TENM2: variants seen among roughly 807,000 people sequenced by gnomAD.
TENM2 encodes the protein teneurin transmembrane protein 2, also known as teneurin-2.
TENM2 carries 52 observed loss-of-function variants against 245.2 expected under a neutral mutation model. The ratio of observed to expected loss-of-function variants is 0.21; its 90% CI spans 0.17 to 0.27. The LOEUF is 0.27. Among genes scored for constraint, TENM2 ranks in the 10% least tolerant of loss-of-function variants. The pLI is 1.00. For synonymous variants in TENM2, 1,363 were observed against 1,438.9 expected, an observed-to-expected ratio of 0.95 and a Z score of 1.19; for missense variants, 3,046 against 3,666.8, an observed-to-expected ratio of 0.83 and a Z score of 4.37.
At chr5:168,015,789 C>T (rs139215431) in intron 5 of TENM2, among the ~76,000 whole-genome samples, 1 of 152,168 alleles carries the variant, frequency 6.6e-6, no homozygotes, top group Admixed American at 6.5e-5. Context: ...TCCTTCAGAT[C>T]AGAAGGGAAG....
At chr5:167,870,636 C>T (rs1230850567) in intron 2 of TENM2, among the ~76,000 whole-genome samples, 3 of 146,578 alleles carry the variant, frequency 2.0e-5, no homozygotes, top group South Asian at 2.1e-4. Flanking sequence ...TATACACACA[C>T]ACATATATAG....
chr5:167,413,224 T>C (rs1454614149), intron 2 of TENM2, among the ~76,000 whole-genome samples: 2 of 152,132 alleles, frequency 1.3e-5, no homozygotes, highest in Non-Finnish European at 2.9e-5. Flanking sequence ...ATCAATCTAT[T>C]ACAGTGTTAC....
At chr5:167,096,586 C>G in the TENM2 span, among the ~76,000 whole-genome samples, 1 of 152,288 alleles carries the variant, frequency 6.6e-6, no homozygotes, top group Non-Finnish European at 1.5e-5. Flanking sequence ...ATCTGACCAG[C>G]CTCATTTCAA....
rs1316872943 is a variant in TENM2 at position 168,211,588 on chromosome 5, G to A, written c.3825-146G>A. 8 of 570,866 alleles carry A rather than the reference G, an allele frequency of 1.4e-5. No homozygotes were observed. In the East Asian group the frequency reaches 2.2e-4, roughly 16 times the overall value. 35.4% of individuals were successfully genotyped at this position (570,866 alleles called of 1,614,324 possible). On this transcript the variant is annotated intron_variant, in intron 19 of 28. Coordinates refer to ENST00000518659, the Ensembl canonical transcript of TENM2. Reference sequence around the variant, plus strand: ...GGGCACTTCTCAAGCTATTGAGCCAGGAGTTGTCAGTTACAGGGGAAAAAA... The same window carrying A: ...GGGCACTTCTCAAGCTATTGAGCCAAGAGTTGTCAGTTACAGGGGAAAAAA...
intron 4 of TENM2, among the ~76,000 whole-genome samples, chr5:167,978,698 T>C (rs1782616501): frequency 1.3e-5 from 2 of 152,090 alleles, no homozygotes; most frequent in African/African-American, 4.8e-5. Context: ...GTGATGAAAA[T>C]GTTTTGGAAC....
intron 25 of TENM2, among the ~76,000 whole-genome samples, chr5:168,242,349 G>A (rs1766174291): frequency 6.6e-6 from 1 of 152,080 alleles, no homozygotes; most frequent in Non-Finnish European, 1.5e-5. Flanking sequence ...AGCGTTCAAG[G>A]GCTGTGAAAA....
the TENM2 span, among the ~76,000 whole-genome samples, chr5:167,238,694 CAAAAAA>C: frequency 1.2e-4 from 7 of 58,118 alleles, no homozygotes; most frequent in African/African-American, 2.5e-4. Flanking sequence ...ACAGGAGATG[CAAAAAA>C]AAAAAAAAAA....
At chr5:167,330,787 A>T (rs1757415289) in intron 1 of TENM2, among the ~76,000 whole-genome samples, 1 of 152,180 alleles carries the variant, frequency 6.6e-6, no homozygotes, top group Non-Finnish European at 1.5e-5. Flanking sequence ...ATTTTCTAGC[A>T]TTTCTCACTT....
intron 2 of TENM2, among the ~76,000 whole-genome samples, chr5:167,438,969 A>G (rs1488825807): frequency 1.3e-5 from 2 of 151,324 alleles, no homozygotes; most frequent in East Asian, 3.9e-4. Context: ...AGTTTTTTGT[A>G]TTTTTAGTAG....
At chr5:167,749,772 C>G (rs1761837275) in intron 2 of TENM2, among the ~76,000 whole-genome samples, 1 of 152,140 alleles carries the variant, frequency 6.6e-6, no homozygotes, top group Non-Finnish European at 1.5e-5. Context: ...TTAAATCAGT[C>G]AATGACTGTG....
At chr5:167,845,811 G>A (rs1490201427) in intron 2 of TENM2, among the ~76,000 whole-genome samples, 1 of 152,192 alleles carries the variant, frequency 6.6e-6, no homozygotes, top group African/African-American at 2.4e-5. Context: ...AGGTGCATGA[G>A]ACTCCATTTT....
chr5:167,383,692 G>C (rs1561912049), intron 2 of TENM2, among the ~76,000 whole-genome samples: 1 of 117,618 alleles, frequency 8.5e-6, no homozygotes, highest in Non-Finnish European at 1.7e-5. Flanking sequence ...ATGTCTCTAA[G>C]ATATGATTTG....
chr5:167,283,208 GA>G (rs1281053702), upstream of TENM2, among the ~76,000 whole-genome samples: 1 of 151,294 alleles, frequency 6.6e-6, no homozygotes, highest in African/African-American at 2.4e-5. Flanking sequence ...CAGGCCCAGC[GA>G]ATTTTTTTTT....
chr5:167,501,827 T>G (rs1769231813), intron 2 of TENM2, among the ~76,000 whole-genome samples: 1 of 152,128 alleles, frequency 6.6e-6, no homozygotes, highest in Non-Finnish European at 1.5e-5. Flanking sequence ...TTTATTGAAG[T>G]AATCAATTAT....
At chr5:168,260,581 C>T (rs1768096063) in intron 28 of TENM2, among the ~76,000 whole-genome samples, 168 bp downstream of exon 30, 1 of 152,186 alleles carries the variant, frequency 6.6e-6, no homozygotes, top group Non-Finnish European at 1.5e-5. Flanking sequence ...AGTGCTGTCG[C>T]CTGTCTGGCA....
rs75610753 is a variant in TENM2, at chr5:168,108,187, G to T, written c.1813+10060G>T. Among the ~76,000 whole-genome samples, 959 of 152,314 alleles carry T rather than the reference G, an allele frequency of 6.3e-3. 14 individuals are homozygous for T. The highest frequency in any genetic ancestry group is 0.031 in the Middle Eastern group (9 of 294). On this transcript the variant is annotated intron_variant, in intron 9 of 28. Coordinates refer to ENST00000518659, the Ensembl canonical transcript of TENM2. ...ATCAGCCACCTTTGAGGCATGGAGG[G>T]AGGGCATGAGCAAAGGAAGGAAAGA...
chr5:167,644,458 T>C (rs1779800806), intron 2 of TENM2, among the ~76,000 whole-genome samples: 1 of 151,860 alleles, frequency 6.6e-6, no homozygotes, highest in African/African-American at 2.4e-5. Context: ...AATTCCAGAG[T>C]GTTGAAAAAG....
At chr5:167,228,125 T>C in the TENM2 span, among the ~76,000 whole-genome samples, 1 of 152,256 alleles carries the variant, frequency 6.6e-6, no homozygotes, top group South Asian at 2.1e-4. Flanking sequence ...GCCTCCTGGC[T>C]TCAAGTGATT....
At chr5:167,258,215 G>GTATATATATGTGTGTATATATATA in the TENM2 span, among the ~76,000 whole-genome samples, 1 of 122,890 alleles carries the variant, frequency 8.1e-6, no homozygotes, top group African/African-American at 3.1e-5. Context: ...ATATATATAT[G>GTATATATATGTGTGTATATATATA]TATATATATA....
Sources: allele counts gnomAD v4.1 joint callset (sites outside exome capture counted in the v4.1 genomes callset), GRCh38; gene constraint gnomAD v4.1.1; transcripts MANE v1.5; gene names NCBI Gene and HGNC (gene_info 2026-07-23, HGNC 2026-07-21).